The following SCAPER variants were observed in gnomAD, a reference collection of about 807,000 sequenced individuals.
SCAPER encodes S-phase cyclin A associated protein in the ER.
A neutral mutation model predicts 182.2 loss-of-function variants in SCAPER; 98 were observed. That is an observed-to-expected ratio of 0.54 (90% CI 0.46 to 0.64). The LOEUF (loss-of-function observed/expected upper bound fraction) is 0.64. Among genes scored for constraint, SCAPER ranks in the 30% least tolerant of loss-of-function variants. SCAPER has a pLI of 0.00. For synonymous variants in SCAPER, 605 were observed against 564.6 expected, an observed-to-expected ratio of 1.07 and a Z score of -1.01; for missense variants, 1,432 against 1,690.0, an observed-to-expected ratio of 0.85 and a Z score of 2.68.
chr15:76,419,956 TC>T (rs1216131998), intron 26 of SCAPER, among the ~76,000 whole-genome samples: 2 of 152,106 alleles, frequency 1.3e-5, no homozygotes, highest in African/African-American at 4.8e-5. Context: ...GTGGGGCTCA[TC>T]CCAGGGATGA....
Position 76,879,529 on chromosome 15 carries a change from C to G in SCAPER, c.6+4283G>C, listed in dbSNP as rs189727497. On this transcript the variant is annotated intron_variant, in intron 2 of 31. Coordinates refer to ENST00000563290, the MANE Select transcript of SCAPER (RefSeq NM_020843.4). ...GTTAGGGAATATACAGCTTTGGAAACTACTGCTAAGCATCTAGGGATCATA... is the reference window on the plus strand; with the variant it reads ...GTTAGGGAATATACAGCTTTGGAAAGTACTGCTAAGCATCTAGGGATCATA... Among the ~76,000 whole-genome samples the G allele has an allele frequency of 2.6e-5, 4 of 152,254 alleles. No individual in the cohort carries two copies. The East Asian group carries it at 7.7e-4, about 29-fold the overall frequency.
intron 15 of SCAPER, among the ~76,000 whole-genome samples, chr15:76,734,189 A>C (rs553701584): frequency 6.6e-6 from 1 of 152,368 alleles, no homozygotes; most frequent in Admixed American, 6.5e-5. Flanking sequence ...TATACATTGC[A>C]TCCTTAACTT....
intron 23 of SCAPER, among the ~76,000 whole-genome samples, chr15:76,546,436 C>T (rs1279011638): frequency 1.3e-5 from 2 of 152,060 alleles, no homozygotes; most frequent in Admixed American, 1.3e-4. Context: ...GGAATCCTCC[C>T]ACCTTGGCCT....
intron 20 of SCAPER, among the ~76,000 whole-genome samples, chr15:76,697,433 C>G (rs2058709427): frequency 6.6e-6 from 1 of 152,128 alleles, no homozygotes. Flanking sequence ...AAACATAAGA[C>G]TGCTATGGCT....
chr15:76,535,080 T>A (rs758104162), intron 23 of SCAPER, among the ~76,000 whole-genome samples: 71 of 152,270 alleles, frequency 4.7e-4, no homozygotes, highest in Middle Eastern at 3.4e-3. Context: ...AGGGCTTAAC[T>A]TGGGCCACAA....
chr15:76,438,486 T>C (rs2047349659), intron 25 of SCAPER, among the ~76,000 whole-genome samples: 2 of 152,210 alleles, frequency 1.3e-5, no homozygotes, highest in African/African-American at 2.4e-5. Flanking sequence ...TGCCTACAGC[T>C]GACCGGCAAC....
chr15:76,849,813 G>A (rs1599086853), intron 4 of SCAPER, among the ~76,000 whole-genome samples: 1 of 152,166 alleles, frequency 6.6e-6, no homozygotes, highest in Non-Finnish European at 1.5e-5. Context: ...AAGGAAAGAG[G>A]TTTAATTGAC....
At chr15:76,591,674 T>C (rs1280931934) in intron 22 of SCAPER, among the ~76,000 whole-genome samples, 5 of 152,188 alleles carry the variant, frequency 3.3e-5, no homozygotes, top group African/African-American at 1.2e-4. Context: ...GAATACTATG[T>C]ATCACTACTA....
intron 23 of SCAPER, among the ~76,000 whole-genome samples, chr15:76,569,207 A>T (rs1461211587): frequency 1.3e-5 from 2 of 152,172 alleles, no homozygotes; most frequent in African/African-American, 4.8e-5. Context: ...TCAATTTGTC[A>T]GATTAAGGAA....
intron 21 of SCAPER, among the ~76,000 whole-genome samples, chr15:76,640,828 T>C (rs2054041902): frequency 6.6e-6 from 1 of 152,224 alleles, no homozygotes; most frequent in Non-Finnish European, 1.5e-5. Flanking sequence ...CAGGTTGGAC[T>C]GCCAGAATAA....
At chr15:76,774,132 C>A (rs563276402) in intron 9 of SCAPER, among the ~76,000 whole-genome samples, 1 of 151,900 alleles carries the variant, frequency 6.6e-6, no homozygotes. Context: ...ATCACCTTAA[C>A]CAAGTACTCA....
rs569060640 is a variant in SCAPER, at chr15:76,664,457, T to C, written c.2645+1196A>G. Among the ~76,000 whole-genome samples the C allele has an allele frequency of 4.6e-5, 7 of 152,310 alleles. No individual in the cohort carries two copies. The South Asian group carries it at 1.4e-3, about 32-fold the overall frequency. On this transcript the variant is annotated intron_variant, in intron 21 of 31. Coordinates refer to ENST00000563290, the MANE Select transcript of SCAPER (RefSeq NM_020843.4). ...AGAATAAAGTATTCATTTGCTGATA[T>C]AGAGAAGACTATGAAATGAGGTAGG...
At chr15:76,368,530 G>A (rs2041952029) in intron 29 of SCAPER, among the ~76,000 whole-genome samples, 1 of 152,210 alleles carries the variant, frequency 6.6e-6, no homozygotes, top group South Asian at 2.1e-4. Context: ...AGTTTCACGA[G>A]CTTCGCTGTC....
intron 21 of SCAPER, among the ~76,000 whole-genome samples, chr15:76,644,703 C>T (rs1379459702): frequency 1.3e-5 from 2 of 152,126 alleles, no homozygotes; most frequent in Non-Finnish European, 2.9e-5. Context: ...TTATAGGCAT[C>T]TGAGCACAGT....
At chr15:76,559,726 C>A (rs1029935726) in intron 23 of SCAPER, among the ~76,000 whole-genome samples, 5 of 152,044 alleles carry the variant, frequency 3.3e-5, no homozygotes, top group Non-Finnish European at 7.4e-5. Flanking sequence ...CAATGGATAC[C>A]AAGGCCTACC....
At chr15:76,349,322 TTTAA>T (rs2040383439) in intron 31 of SCAPER, 2 of 152,344 alleles carry the variant, frequency 1.3e-5, no homozygotes, top group South Asian at 4.1e-4. Flanking sequence ...TGAAAGTCTA[TTTAA>T]TTTAAAACAT....
intron 25 of SCAPER, among the ~76,000 whole-genome samples, chr15:76,470,378 TG>T (rs2050049917): frequency 6.6e-6 from 1 of 152,090 alleles, no homozygotes; most frequent in Admixed American, 6.6e-5. Flanking sequence ...AGAGTCAGGC[TG>T]GGGAAGATCT....
At chr15:76,459,249 T>C (rs1161635502) in intron 25 of SCAPER, among the ~76,000 whole-genome samples, 2 of 152,206 alleles carry the variant, frequency 1.3e-5, no homozygotes, top group Non-Finnish European at 2.9e-5. Context: ...TGTCTTTTTG[T>C]GCCTCGCTTA....
At chr15:76,443,787 C>T (rs1307586364) in intron 25 of SCAPER, among the ~76,000 whole-genome samples, 1 of 152,154 alleles carries the variant, frequency 6.6e-6, no homozygotes, top group Non-Finnish European at 1.5e-5. Flanking sequence ...AAATTTTAAA[C>T]AAGGGGGATT....
Sources: gnomAD v4.1 joint callset for allele counts (sites outside exome capture counted in the v4.1 genomes callset) on GRCh38, gnomAD v4.1.1 for gene constraint, MANE v1.5 for transcripts, NCBI Gene and HGNC (gene_info 2026-07-23, HGNC 2026-07-21) for gene names.